Variants in SLC8A3 observed in about 807,000 individuals in gnomAD.
SLC8A3 encodes the protein sodium/calcium exchanger 3.
SLC8A3 carries 37 observed loss-of-function variants against 65.4 expected under a neutral mutation model. The ratio of observed to expected loss-of-function variants is 0.57; its 90% CI spans 0.44 to 0.74. The LOEUF (loss-of-function observed/expected upper bound fraction) is 0.74. SLC8A3 is among the 30% of genes least tolerant of loss of function. The pLI, the probability that SLC8A3 is intolerant of heterozygous loss-of-function variation, is 0.00. For missense variants in SLC8A3, 1,112 were observed against 1,172.1 expected (o/e 0.95, Z 0.75); for synonymous variants, 461 against 444.5 (o/e 1.04, Z -0.47).
intron 2 of SLC8A3, among the ~76,000 whole-genome samples, chr14:70,148,965 T>C (rs574052469): frequency 1.3e-5 from 2 of 152,284 alleles, no homozygotes; most frequent in African/African-American, 4.8e-5. Context: ...AGTTAAGGGC[T>C]CTGCACAACT....
In SLC8A3 at chr14:70,058,954, A is replaced by G. The variant is rs573228356; in HGVS notation, c.1888+1882T>C. Among the ~76,000 whole-genome samples, 8 of 152,362 alleles carry G rather than the reference A, an allele frequency of 5.3e-5. No individual in the cohort carries two copies. The East Asian group carries it at 1.5e-3, about 29-fold the overall frequency. ...GAATAAATGCTCAAGGGAGGTGGGA[A>G]TGAGGTAGGGCAGGTGCTGAGGCAA... On this transcript the variant is annotated intron_variant, in intron 3 of 6. Transcript: ENST00000356921.
At chr14:70,101,059 C>G (rs1318114266) in intron 2 of SLC8A3, among the ~76,000 whole-genome samples, 1 of 152,172 alleles carries the variant, frequency 6.6e-6, no homozygotes, top group African/African-American at 2.4e-5. Flanking sequence ...GAAGTCAATT[C>G]ATTTATTCAA....
intron 2 of SLC8A3, among the ~76,000 whole-genome samples, chr14:70,074,511 C>G (rs911205241): frequency 6.6e-6 from 1 of 152,172 alleles, no homozygotes; most frequent in Admixed American, 6.5e-5. Flanking sequence ...ACATAGTAGG[C>G]AAACTACTTG....
intron 2 of SLC8A3, among the ~76,000 whole-genome samples, chr14:70,165,755 G>A (rs1471086564): frequency 2.0e-5 from 3 of 152,174 alleles, no homozygotes; most frequent in Non-Finnish European, 2.9e-5. Flanking sequence ...TGACAGAAGT[G>A]TAATACCCAC....
At position 70,166,380 on chromosome 14, in the gene SLC8A3, C is replaced by G. The variant is rs140487818; in HGVS notation, c.1784+259G>C. Reference sequence around the variant, plus strand: ...CTCCACCAGCTATCATTTTGTGTTTCAGAGAAGAAAATGTTTTGTGTCCTT... The same window carrying G: ...CTCCACCAGCTATCATTTTGTGTTTGAGAGAAGAAAATGTTTTGTGTCCTT... On this transcript the variant is annotated intron_variant, in intron 2 of 6. Coordinates refer to ENST00000356921, the MANE Select transcript of SLC8A3 (RefSeq NM_182932.3). Among the ~76,000 whole-genome samples, 32 of 152,284 alleles carry G rather than the reference C, an allele frequency of 2.1e-4. 1 individual carries two copies. The highest frequency in any genetic ancestry group is 3.7e-4 in the Non-Finnish European group (25 of 68,020).
chr14:70,177,623 G>A (rs1316491061), intron 1 of SLC8A3, among the ~76,000 whole-genome samples: 5 of 152,216 alleles, frequency 3.3e-5, no homozygotes, highest in Non-Finnish European at 7.3e-5. Flanking sequence ...TAAAGGGCAT[G>A]GAAGCCCGAA....
intron 2 of SLC8A3, among the ~76,000 whole-genome samples, chr14:70,165,498 C>T (rs1042912204): frequency 1.3e-5 from 2 of 152,174 alleles, no homozygotes; most frequent in Non-Finnish European, 2.9e-5. Context: ...TTCCTATATG[C>T]TCCTTTTACT....
At chr14:70,145,054 C>T (rs945689286) in intron 2 of SLC8A3, among the ~76,000 whole-genome samples, 6 of 152,176 alleles carry the variant, frequency 3.9e-5, no homozygotes, top group African/African-American at 1.4e-4. Flanking sequence ...TTTGGTAACC[C>T]CTTTCAGCCT....
Position 70,089,949 on chromosome 14 carries a change from GT to G in SLC8A3, c.1785-29011del, listed in dbSNP as rs553625928. Among the ~76,000 whole-genome samples, 587 of 152,174 alleles carry G rather than the reference GT, an allele frequency of 3.9e-3. 7 individuals carry two copies. The highest frequency in any genetic ancestry group is 0.014 in the African/African-American group (562 of 41,504). ...AGGTAATTCAGGTATAAATTAGAGA[GT>G]TTTTTTCTTAATTTTTGAAATAATT... On this transcript the variant is annotated intron_variant, in intron 2 of 6. Coordinates refer to ENST00000356921, the MANE Select transcript of SLC8A3 (RefSeq NM_182932.3).
At chr14:70,110,567 C>A (rs1234641752) in intron 2 of SLC8A3, among the ~76,000 whole-genome samples, 2 of 151,658 alleles carry the variant, frequency 1.3e-5, no homozygotes, top group Non-Finnish European at 2.9e-5. Flanking sequence ...ATATATGTAC[C>A]ACATTTTCTT....
intron 2 of SLC8A3, among the ~76,000 whole-genome samples, chr14:70,135,706 A>T (rs1404118663): frequency 2.0e-5 from 3 of 151,966 alleles, no homozygotes; most frequent in African/African-American, 7.3e-5. Context: ...AGTTGATTTC[A>T]TGGTGGTAGA....
chr14:70,105,724 T>C (rs1311904517), intron 2 of SLC8A3, among the ~76,000 whole-genome samples: 1 of 152,212 alleles, frequency 6.6e-6, no homozygotes. Flanking sequence ...AAAATACTTC[T>C]TGACTTACTT....
At chr14:70,081,285 G>T (rs575227607) in intron 2 of SLC8A3, among the ~76,000 whole-genome samples, 1 of 152,144 alleles carries the variant, frequency 6.6e-6, no homozygotes, top group Non-Finnish European at 1.5e-5. Flanking sequence ...CTAAGTCCCA[G>T]TCCCAGATTC....
Position 70,168,119 on chromosome 14 carries a change from T to C in SLC8A3, c.304A>G (p.Ile102Val), listed in dbSNP as rs767071493. ...SIIADRFMASIEVITSQEREV... is the reference protein window; with the variant it reads ...SIIADRFMASVEVITSQEREV... ...CTCTCTTGAGAGGTGATGACTTCAA[T>C]AGATGCCATGAAGCGGTCAGCAATG... Residue 102 changes from isoleucine to valine, a missense_variant, in exon 2 of 7, where the codon ATT (isoleucine) becomes GTT (valine). Ile to Val is a conservative substitution (Grantham distance 29). Coordinates refer to ENST00000356921, the MANE Select transcript of SLC8A3 (RefSeq NM_182932.3). 1.9e-6 allele frequency: 3 copies of C among 1,614,118 alleles called. No individual in the cohort carries two copies. The highest frequency in any genetic ancestry group is 1.1e-5 in the South Asian group (1 of 91,074).
Position 70,045,167 on chromosome 14 carries a change from GCTC to G in SLC8A3, c.*777_*779del, listed in dbSNP as rs996749834. Reference sequence around the variant, plus strand: ...ACTTGATTCAACATAAGCATAAAAAGCTCCTCCTGCTCCAGTTGAAGCTCCTGT... The same window carrying G: ...ACTTGATTCAACATAAGCATAAAAAGCTCCTGCTCCAGTTGAAGCTCCTGT... On this transcript the variant is annotated 3_prime_UTR_variant, in exon 7 of 7. Transcript: ENST00000356921. 1 of 152,148 alleles carries G rather than the reference GCTC, an allele frequency of 6.6e-6. No individual in the cohort carries two copies. Among genetic ancestry groups the G allele is most frequent in the African/African-American group, 2.4e-5 (1 of 41,430 alleles). The allele number at this position is 152,148 out of a possible 1,614,324, so 9.4% of individuals were successfully genotyped here.
chr14:70,063,432 G>C (rs549694312), intron 2 of SLC8A3, among the ~76,000 whole-genome samples: 5 of 152,226 alleles, frequency 3.3e-5, no homozygotes, highest in East Asian at 1.9e-4. Context: ...CTGCTCTTCT[G>C]TCTGGTGCTG....
At chr14:70,156,482 T>C (rs534701087) in intron 2 of SLC8A3, among the ~76,000 whole-genome samples, 19 of 152,316 alleles carry the variant, frequency 1.2e-4, no homozygotes, top group Non-Finnish European at 2.4e-4. Flanking sequence ...TGAGCGCAGA[T>C]ACAGCCTCAC....
intron 2 of SLC8A3, among the ~76,000 whole-genome samples, chr14:70,116,388 C>G (rs1012991308): frequency 6.7e-6 from 1 of 149,938 alleles, no homozygotes; most frequent in African/African-American, 2.5e-5. Context: ...CAGGGTGGAA[C>G]GGGAAGGATC....
chr14:70,167,744 C>T lies in SLC8A3; in HGVS notation c.679G>A (p.Gly227Ser). ...AGGCCTTCCCAAACCTGGACCACAC[C>T]AGGGGAGAAGACTGCCAGAATCATA... is the stretch of plus-strand genomic sequence containing the variant. ...LYMILAVFSP[G>S]VVQVWEGLLT... The change falls in exon 2 of 7, where the codon GGT becomes AGT. Residue 227 changes from glycine (G) to serine (S), a missense_variant. Coordinates refer to ENST00000356921, the MANE Select transcript of SLC8A3 (RefSeq NM_182932.3). 1 of 1,614,132 alleles carries T rather than the reference C, an allele frequency of 6.2e-7. No homozygotes were observed. Among genetic ancestry groups the T allele is most frequent in the Non-Finnish European group, 8.5e-7 (1 of 1,180,036 alleles).
Sources: allele counts gnomAD v4.1 joint callset (sites outside exome capture counted in the v4.1 genomes callset), GRCh38; gene constraint gnomAD v4.1.1; transcripts MANE v1.5; gene names NCBI Gene and HGNC (gene_info 2026-07-23, HGNC 2026-07-21).